Variants in CMAS observed in about 807,000 individuals in gnomAD.
The protein encoded by CMAS is cytidine monophosphate N-acetylneuraminic acid synthetase, also known as N-acylneuraminate cytidylyltransferase.
A neutral mutation model predicts 53.4 loss-of-function variants in CMAS; 21 were observed. That is an observed-to-expected ratio of 0.39 (90% CI 0.28 to 0.57). The LOEUF (loss-of-function observed/expected upper bound fraction) is 0.57. Ranked by LOEUF, CMAS falls within the 20% of genes least tolerant of loss-of-function variation. The pLI is 0.56. For missense variants in CMAS, 384 were observed against 534.9 expected (o/e 0.72, Z 2.78); for synonymous variants, 189 against 195.2 (o/e 0.97, Z 0.27).
At chr12:22,049,919 AAT>A (rs1491448342) in intron 1 of CMAS, among the ~76,000 whole-genome samples, 4 of 151,282 alleles carry the variant, frequency 2.6e-5, no homozygotes, top group Middle Eastern at 3.4e-3. Flanking sequence ...AAAAAAAAAA[AAT>A]TTTTTTTCTA....
chr12:22,057,213 AGTAACCAGCTATTACAC>A (rs1481119980), intron 3 of CMAS, among the ~76,000 whole-genome samples: 5 of 148,988 alleles, frequency 3.4e-5, no homozygotes, highest in Non-Finnish European at 7.4e-5. Flanking sequence ...GATTCTGGAG[AGTAACCAGCTATTACAC>A]ACACACACAT....
rs75646293 is a variant in CMAS, at chr12:22,051,119, T to A, written c.261-4030T>A. Among the ~76,000 whole-genome samples the A allele has an allele frequency of 1.4e-4, 21 of 152,336 alleles. No homozygotes were observed. In the East Asian group the frequency reaches 4.1e-3, roughly 29 times the overall value. On this transcript the variant is annotated intron_variant, in intron 1 of 7. Transcript: ENST00000229329. ...TTGACTTAATTGAGGCAGATTTCTC[T>A]GGCCTGCTCAGAATCAAAGCTAACA...
At chr12:22,059,691 GTTAAA>G (rs1396214729) in intron 4 of CMAS, among the ~76,000 whole-genome samples, 2 of 152,150 alleles carry the variant, frequency 1.3e-5, no homozygotes, top group Admixed American at 6.5e-5. Flanking sequence ...TAGCTGTTTA[GTTAAA>G]TTTAAGTGTT....
intron 6 of CMAS, 120 bp downstream of exon 6, chr12:22,061,572 C>G (rs1340045281): frequency 2.8e-5 from 16 of 567,584 alleles, no homozygotes; most frequent in Middle Eastern, 4.9e-4. Context: ...GAAATTTGGC[C>G]TTCATACGCC....
rs1265196511 is a variant in CMAS at position 22,049,854 on chromosome 12, G to A, written c.260+3291G>A. On this transcript the variant is annotated intron_variant, in intron 1 of 7. Coordinates refer to ENST00000229329, the MANE Select transcript of CMAS (RefSeq NM_018686.6). ...CGGGAGGTGGAGGTTGCAGTGAGCC[G>A]AGACTGGACCACTGCACTCTAGCCT... Among the ~76,000 whole-genome samples, 6 of 151,354 alleles carry A rather than the reference G, an allele frequency of 4.0e-5. No individual in the cohort carries two copies. In the South Asian group the frequency reaches 6.2e-4, roughly 16 times the overall value.
intron 6 of CMAS, among the ~76,000 whole-genome samples, chr12:22,061,761 T>G (rs1416661790): frequency 2.0e-5 from 3 of 152,150 alleles, no homozygotes; most frequent in Non-Finnish European, 4.4e-5. Context: ...GGTGTACCAT[T>G]TTAGAAAAGG....
intron 1 of CMAS, among the ~76,000 whole-genome samples, chr12:22,048,950 C>T (rs1950223062): frequency 6.6e-6 from 1 of 152,194 alleles, no homozygotes; most frequent in Non-Finnish European, 1.5e-5. Context: ...CCTTTAAAGT[C>T]TCCAGCCTTT....
intron 3 of CMAS, among the ~76,000 whole-genome samples, 165 bp from the exon 4 acceptor site, chr12:22,058,402 G>C (rs555566095): frequency 6.7e-6 from 1 of 149,430 alleles, no homozygotes; most frequent in East Asian, 2.1e-4. Context: ...TCCAGCCTGG[G>C]TGACAGAGCG....
In CMAS at chr12:22,055,131, C is replaced by A. The variant is rs763779607; in HGVS notation, c.261-18C>A. ...TTTCTTTTGATTTGGCTGTTAATTTCTTTTGATATCTGAACAGTGTATGGG... is the reference window on the plus strand; with the variant it reads ...TTTCTTTTGATTTGGCTGTTAATTTATTTTGATATCTGAACAGTGTATGGG... On this transcript the variant is annotated intron_variant, in intron 1 of 7. Transcript: ENST00000229329. 6.5e-7 allele frequency: 1 copy of A among 1,550,312 alleles called. No homozygotes were observed. The highest frequency in any genetic ancestry group is 1.4e-5 in the African/African-American group (1 of 71,686).
intron 5 of CMAS, 42 bp downstream of exon 5, chr12:22,060,968 AATAATT>A (rs1591794899): frequency 8.7e-7 from 1 of 1,155,074 alleles, no homozygotes; most frequent in Non-Finnish European, 1.3e-6. Context: ...ACTAAATCTT[AATAATT>A]ATATTTCTAG....
chr12:22,051,821 A>G (rs937676275), intron 1 of CMAS, among the ~76,000 whole-genome samples: 2 of 152,182 alleles, frequency 1.3e-5, no homozygotes, highest in African/African-American at 2.4e-5. Context: ...TAAATGAGAC[A>G]GAGTAGATGT....
chr12:22,065,101 GTATT>G lies in CMAS; in HGVS notation c.1115-14_1115-11del. Reference sequence around the variant, plus strand: ...CTTTGTCTCTTTAAATGTTTGCTCAGTATTTATTTTACTTGATAGGAAATGAAGT... The same window carrying G: ...CTTTGTCTCTTTAAATGTTTGCTCAGTATTTTACTTGATAGGAAATGAAGT... On this transcript the variant is annotated splice_polypyrimidine_tract_variant and intron_variant, in intron 7 of 7. Transcript: ENST00000229329. The G allele has an allele frequency of 6.4e-7, 1 of 1,574,672 alleles. No individual in the cohort carries two copies. Among genetic ancestry groups the G allele is most frequent in the Non-Finnish European group, 8.7e-7 (1 of 1,150,600 alleles).
chr12:22,058,437 A>AG (rs1950283792), intron 3 of CMAS, 130 bp from the exon 4 acceptor site: 3 of 800,456 alleles, frequency 3.7e-6, no homozygotes, highest in Non-Finnish European at 5.8e-6. Context: ...AAAAAAAAAA[A>AG]GAAAAGTTCT....
chr12:22,054,544 G>T (rs1323048400), intron 1 of CMAS, among the ~76,000 whole-genome samples: 2 of 151,076 alleles, frequency 1.3e-5, no homozygotes, highest in African/African-American at 4.9e-5. Flanking sequence ...GATTTTTTTT[G>T]AGCCCAGACT....
intron 1 of CMAS, among the ~76,000 whole-genome samples, chr12:22,049,472 T>TA (rs901251926): frequency 2.0e-5 from 3 of 152,086 alleles, no homozygotes; most frequent in East Asian, 1.9e-4. Flanking sequence ...AAACTTCTTT[T>TA]AAAAAAAGAC....
At position 22,060,823 on chromosome 12, in the gene CMAS, T is replaced by C; in HGVS notation, c.694-9T>C. The C allele has an allele frequency of 1.3e-6, 2 of 1,532,382 alleles. No individual in the cohort carries two copies. The highest frequency in any genetic ancestry group is 1.8e-6 in the Non-Finnish European group (2 of 1,107,204). The allele number at this position is 1,532,382 out of a possible 1,614,324, so 94.9% of individuals were successfully genotyped here. On this transcript the variant is annotated splice_polypyrimidine_tract_variant and intron_variant, in intron 4 of 7. Coordinates refer to ENST00000229329, the MANE Select transcript of CMAS (RefSeq NM_018686.6). ...AAAACAGTATTCATGACATTTATAC[T>C]ACCTTTAGGGTGGAAAAATGGCATA...
At chr12:22,054,894 G>T (rs1950258195) in intron 1 of CMAS, among the ~76,000 whole-genome samples, 1 of 151,988 alleles carries the variant, frequency 6.6e-6, no homozygotes, top group Admixed American at 6.6e-5. Flanking sequence ...CTACCCTCAA[G>T]TAGGCCCCAG....
Position 22,065,172 on chromosome 12 carries a change from C to T in CMAS, c.1166C>T (p.Ala389Val), listed in dbSNP as rs1019693008. Reference sequence around the variant, plus strand: ...TTGAAGAGAGTGGGCCTAAGTGGCGCTCCTGCTGATGCCTGTTCTACTGCC... The same window carrying T: ...TTGAAGAGAGTGGGCCTAAGTGGCGTTCCTGCTGATGCCTGTTCTACTGCC... ...ECLKRVGLSG[A>V]PADACSTAQK... is the part of the protein sequence containing the mutation. Residue 389 changes from alanine to valine, a missense_variant, in exon 8 of 8, where the codon GCT (alanine) becomes GTT (valine). Around this residue, in one of 3 missense-constraint regions of CMAS, gnomAD observed 134 missense variants for 154.6 expected, o/e 0.87. Coordinates refer to ENST00000229329, the MANE Select transcript of CMAS (RefSeq NM_018686.6). 1.9e-6 allele frequency: 3 copies of T among 1,613,944 alleles called. No individual in the cohort carries two copies. The Admixed American group carries it at 5.0e-5, about 27-fold the overall frequency.
chr12:22,058,726 CT>C, intron 4 of CMAS, 26 bp downstream of exon 4: 1 of 1,604,210 alleles, frequency 6.2e-7, no homozygotes. Context: ...TTGCATAACC[CT>C]TTTAAGCGCT....
Sources: gnomAD v4.1 joint callset for allele counts (sites outside exome capture counted in the v4.1 genomes callset) on GRCh38, gnomAD v4.1.1 for gene constraint, gnomAD v4.1.1 regional missense constraint, MANE v1.5 for transcripts, NCBI Gene and HGNC (gene_info 2026-07-23, HGNC 2026-07-21) for gene names.